Variants in HSPA12A observed in about 807,000 individuals in gnomAD.
HSPA12A encodes heat shock protein family A (Hsp70) member 12A.
In HSPA12A, 28 loss-of-function variants were observed where a neutral mutation model predicts 69.2. The ratio of observed to expected loss-of-function variants is 0.40; its 90% CI spans 0.30 to 0.55. HSPA12A has a LOEUF of 0.55. HSPA12A is among the 20% of genes least tolerant of loss of function. HSPA12A has a pLI of 0.38. For synonymous variants in HSPA12A, 345 were observed against 370.5 expected (o/e 0.93, Z 0.79); for missense variants, 686 against 900.7 (o/e 0.76, Z 3.05).
At chr10:116,677,357 C>T (rs1849268942) in intron 10 of HSPA12A, among the ~76,000 whole-genome samples, 1 of 152,164 alleles carries the variant, frequency 6.6e-6, no homozygotes. Flanking sequence ...TTCCCAGGAA[C>T]ATGTTCTAGA....
At chr10:116,676,966 C>T (rs2133356375) in intron 10 of HSPA12A, among the ~76,000 whole-genome samples, 1 of 152,340 alleles carries the variant, frequency 6.6e-6, no homozygotes, top group Non-Finnish European at 1.5e-5. Context: ...CCTAATTCTA[C>T]TAGGTGGCCC....
chr10:116,716,481 T>G (rs1178147350), intron 1 of HSPA12A, among the ~76,000 whole-genome samples: 2 of 151,972 alleles, frequency 1.3e-5, no homozygotes, highest in Non-Finnish European at 2.9e-5. Context: ...TGTGTGTGTG[T>G]GCATGCATGT....
At chr10:116,740,652 GTGTGTGTGTGTGTGTGTGTGTGTC>G (rs1404451899) in intron 1 of HSPA12A, among the ~76,000 whole-genome samples, 564 of 20,848 alleles carry the variant, frequency 0.027, 4 homozygotes, top group South Asian at 0.2. Context: ...GTGTGTGTGT[GTGTGTGTGTGTGTGTGTGTGTGTC>G]TGTGTGTGTG....
intron 1 of HSPA12A, among the ~76,000 whole-genome samples, chr10:116,714,057 G>GGTGGGTGGATA (rs1850529168): frequency 2.0e-5 from 3 of 151,028 alleles, no homozygotes; most frequent in African/African-American, 7.3e-5. Flanking sequence ...GTGGGTGGAT[G>GGTGGGTGGATA]GATGGATAGG....
At chr10:116,754,870 GA>G (rs1404211391) in intron 2 of HSPA12A, among the ~76,000 whole-genome samples, 1 of 152,192 alleles carries the variant, frequency 6.6e-6, no homozygotes, top group Non-Finnish European at 1.5e-5. Flanking sequence ...CATACTTTGG[GA>G]AATCCTATGG....
Position 116,692,428 on chromosome 10 carries a change from C to G in HSPA12A, c.586G>C (p.Asp196His). The G allele has an allele frequency of 6.2e-7, 1 of 1,614,172 alleles. No individual in the cohort carries two copies. Among genetic ancestry groups the G allele is most frequent in the Non-Finnish European group, 8.5e-7 (1 of 1,180,032 alleles). Residue 196 changes from aspartate to histidine, a missense_variant, in exon 6 of 12, where the codon GAT becomes CAT. Coordinates refer to ENST00000369209, the MANE Select transcript of HSPA12A (RefSeq NM_025015.3). ...DQAGSEFENS[D>H]VRWVITVPAI... ...GGCACCGTGATGACCCATCTGACAT[C>G]AGAGTTCTCGAACTCCGAACCCGCC...
chr10:116,787,440 CAAA>C (rs776783179), intron 2 of HSPA12A, among the ~76,000 whole-genome samples: 17 of 68,604 alleles, frequency 2.5e-4, no homozygotes, highest in African/African-American at 7.8e-4. Flanking sequence ...CTCTAGCCAG[CAAA>C]AAAAAAAAAA....
intron 5 of HSPA12A, among the ~76,000 whole-genome samples, chr10:116,695,094 C>T (rs1849847678): frequency 6.6e-6 from 1 of 152,004 alleles, no homozygotes; most frequent in Non-Finnish European, 1.5e-5. Flanking sequence ...GTTGTCAGAT[C>T]CTCCTTCTTG....
upstream of HSPA12A, chr10:116,849,866 G>A (rs1256872133): frequency 2.0e-6 from 2 of 1,024,268 alleles, no homozygotes; most frequent in Non-Finnish European, 2.9e-6. Flanking sequence ...CTGCGTGTGC[G>A]GAGGAGACTT....
chr10:116,681,313 A>T (rs2133365898), intron 8 of HSPA12A, 57 bp from the exon 9 acceptor site: 1 of 1,428,266 alleles, frequency 7.0e-7, no homozygotes, highest in Middle Eastern at 2.0e-4. Context: ...ATCTGAAACA[A>T]GCTTGTGGGT....
At chr10:116,706,607 T>C (rs1297603020) in intron 2 of HSPA12A, among the ~76,000 whole-genome samples, 1 of 152,184 alleles carries the variant, frequency 6.6e-6, no homozygotes, top group Non-Finnish European at 1.5e-5. Flanking sequence ...GTTGGCTGCC[T>C]GTGCATCTAC....
chr10:116,793,861 G>T (rs1844755451), intron 2 of HSPA12A, among the ~76,000 whole-genome samples: 1 of 151,984 alleles, frequency 6.6e-6, no homozygotes, highest in South Asian at 2.1e-4. Context: ...AGCATAAAAT[G>T]AGATGGCACA....
At position 116,742,521 on chromosome 10, in the gene HSPA12A, C is replaced by G. The variant is rs1206956419; in HGVS notation, c.-52G>C. On this transcript the variant is annotated 5_prime_UTR_variant, in exon 1 of 12. Coordinates refer to ENST00000369209, the MANE Select transcript of HSPA12A (RefSeq NM_025015.3). Reference sequence around the variant, plus strand: ...GAGCCTCCAGCGCAGCGCCCGTGCCCGTGCGGGTCTCTGTCCGCGTCCGCG... The same window carrying G: ...GAGCCTCCAGCGCAGCGCCCGTGCCGGTGCGGGTCTCTGTCCGCGTCCGCG... 6 of 1,217,204 alleles carry G rather than the reference C, an allele frequency of 4.9e-6. No individual in the cohort carries two copies. Among genetic ancestry groups the G allele is most frequent in the Non-Finnish European group, 5.1e-6 (5 of 977,068 alleles). The allele number at this position is 1,217,204 out of a possible 1,614,324, so 75.4% of individuals were successfully genotyped here. A position where few individuals can be genotyped will look rare whatever the true frequency, so the allele number is the denominator to read the frequency against.
chr10:116,765,329 A>T (rs1554889641), intron 2 of HSPA12A, among the ~76,000 whole-genome samples: 1 of 152,212 alleles, frequency 6.6e-6, no homozygotes, highest in Non-Finnish European at 1.5e-5. Context: ...ATCAAAAAAA[A>T]TTTAAATTAA....
Position 116,702,268 on chromosome 10 carries a change from C to CAGGTCCT in HSPA12A, c.255-1146_255-1140dup, listed in dbSNP as rs778516115. On this transcript the variant is annotated intron_variant, in intron 3 of 11. Transcript: ENST00000369209. Reference sequence around the variant, plus strand: ...GAGGCCAAGCTGTTCCCTGCCCAACCAGGTCCTGGCTCCTGGCCTGCCGCT... The same window carrying CAGGTCCT: ...GAGGCCAAGCTGTTCCCTGCCCAACCAGGTCCTAGGTCCTGGCTCCTGGCCTGCCGCT... 1.8e-3 allele frequency among the ~76,000 whole-genome samples: 271 copies of CAGGTCCT among 152,268 alleles called. 1 individual carries two copies. The highest frequency in any genetic ancestry group is 4.7e-4 in the Non-Finnish European group (32 of 68,020).
intron 4 of HSPA12A, among the ~76,000 whole-genome samples, chr10:116,699,012 C>A (rs1353734630): frequency 6.6e-6 from 1 of 152,144 alleles, no homozygotes; most frequent in East Asian, 1.9e-4. Flanking sequence ...CCTCTGGGAG[C>A]AAAGGTTTCA....
intron 3 of HSPA12A, 29 bp from the exon 4 acceptor site, chr10:116,701,158 G>A: frequency 1.2e-6 from 2 of 1,605,870 alleles, no homozygotes; most frequent in Non-Finnish European, 8.5e-7. Context: ...GAAGTTATGG[G>A]GCCTTCTTTC....
chr10:116,682,770 G>A (rs1040252427), intron 7 of HSPA12A, among the ~76,000 whole-genome samples: 8 of 151,932 alleles, frequency 5.3e-5, no homozygotes, highest in Non-Finnish European at 7.4e-5. Flanking sequence ...GTGCGATCTC[G>A]GCTCACTGCA....
At chr10:116,820,966 A>T (rs1845401432) in intron 2 of HSPA12A, among the ~76,000 whole-genome samples, 1 of 151,850 alleles carries the variant, frequency 6.6e-6, no homozygotes, top group South Asian at 2.1e-4. Context: ...TCACAACTAT[A>T]TCCAGTCCCC....
Sources: gnomAD v4.1 joint callset for allele counts (sites outside exome capture counted in the v4.1 genomes callset) on GRCh38, gnomAD v4.1.1 for gene constraint, MANE v1.5 for transcripts, NCBI Gene and HGNC (gene_info 2026-07-23, HGNC 2026-07-21) for gene names.